The following NTM variants were observed in gnomAD, a reference collection of about 807,000 sequenced individuals.
NTM encodes the protein neurotrimin, also known as IgLON family member 2.
A neutral mutation model predicts 42.1 loss-of-function variants in NTM; 13 were observed. That is an observed-to-expected ratio of 0.31 (90% CI 0.20 to 0.49). NTM has a LOEUF of 0.49. Ranked by LOEUF, NTM falls within the 20% of genes least tolerant of loss-of-function variation. The pLI is 0.99. For synonymous variants in NTM, 187 were observed against 179.2 expected (o/e 1.04, Z -0.35); for missense variants, 373 against 452.8 (o/e 0.82, Z 1.60).
chr11:131,508,891 T>TGGGGGAG (rs1399640841), intron 1 of NTM, among the ~76,000 whole-genome samples: 1 of 57,066 alleles, frequency 1.8e-5, no homozygotes, highest in Non-Finnish European at 3.6e-5. Context: ...GTTGTGGGGT[T>TGGGGGAG]GGGGGAGGGG....
chr11:131,770,870 A>G (rs1275123546), intron 1 of NTM: 3 of 152,142 alleles, frequency 2.0e-5, no homozygotes, highest in Non-Finnish European at 4.4e-5. Context: ...CAGACACCCT[A>G]TGCGTCTGTC....
intron 1 of NTM, among the ~76,000 whole-genome samples, chr11:131,589,622 T>C (rs2059191340): frequency 6.6e-6 from 1 of 152,218 alleles, no homozygotes; most frequent in African/African-American, 2.4e-5. Context: ...ATGCCTTTCA[T>C]GTCCTAGGTT....
At chr11:131,703,063 G>A (rs1592627605) in intron 1 of NTM, among the ~76,000 whole-genome samples, 2 of 152,150 alleles carry the variant, frequency 1.3e-5, no homozygotes, top group South Asian at 2.1e-4. Flanking sequence ...CCCAACTCTT[G>A]GATTATAGAG....
chr11:132,101,265 A>G (rs181128522), intron 2 of NTM, among the ~76,000 whole-genome samples: 1 of 152,266 alleles, frequency 6.6e-6, no homozygotes, highest in East Asian at 1.9e-4. Flanking sequence ...TAGGCAAAAG[A>G]AAACTCAGGA....
chr11:132,015,633 ATATTTTATTT>A (rs151321359), intron 2 of NTM, among the ~76,000 whole-genome samples: 28 of 143,166 alleles, frequency 2.0e-4, no homozygotes, highest in African/African-American at 5.6e-4. Context: ...TTATTCTTAG[ATATTTTATTT>A]TATTTTATTT....
chr11:132,081,902 T>C (rs1594460819), intron 2 of NTM, among the ~76,000 whole-genome samples: 1 of 147,850 alleles, frequency 6.8e-6, no homozygotes, highest in Admixed American at 6.8e-5. Context: ...AATATATATA[T>C]ACATATATTC....
At chr11:131,378,887 T>G (rs1214946426) in intron 1 of NTM, among the ~76,000 whole-genome samples, 1 of 152,214 alleles carries the variant, frequency 6.6e-6, no homozygotes, top group African/African-American at 2.4e-5. Context: ...TAAAGACTCA[T>G]GCTCAGAACC....
intron 2 of NTM, among the ~76,000 whole-genome samples, chr11:131,937,863 G>A (rs1389405482): frequency 1.3e-5 from 2 of 152,080 alleles, no homozygotes; most frequent in East Asian, 3.9e-4. Context: ...TCAAAGGGCG[G>A]GTAAAAAATG....
chr11:131,917,915 A>G (rs923891657), intron 2 of NTM, among the ~76,000 whole-genome samples: 2 of 152,238 alleles, frequency 1.3e-5, no homozygotes, highest in Non-Finnish European at 2.9e-5. Flanking sequence ...TCAACCAAAC[A>G]TAGGGCAGAA....
intron 4 of NTM, among the ~76,000 whole-genome samples, chr11:132,232,880 C>A (rs566808712): frequency 6.6e-6 from 1 of 152,268 alleles, no homozygotes; most frequent in South Asian, 2.1e-4. Flanking sequence ...AAAACGTAAG[C>A]GGCGTTTATG....
At chr11:131,562,804 A>G (rs902458079) in intron 1 of NTM, among the ~76,000 whole-genome samples, 5 of 152,300 alleles carry the variant, frequency 3.3e-5, no homozygotes, top group East Asian at 3.9e-4. Context: ...GTTTGTTCCC[A>G]AATTTTAGCA....
intron 1 of NTM, among the ~76,000 whole-genome samples, chr11:131,801,173 C>A (rs2092075369): frequency 6.6e-6 from 1 of 152,160 alleles, no homozygotes; most frequent in South Asian, 2.1e-4. Context: ...ACTACTTTTA[C>A]CAAGTCAAGG....
At chr11:131,520,899 T>G (rs907181455) in intron 1 of NTM, among the ~76,000 whole-genome samples, 3 of 152,178 alleles carry the variant, frequency 2.0e-5, no homozygotes, top group South Asian at 2.1e-4. Context: ...CATGATTTTG[T>G]GGGCTGTACA....
chr11:131,698,235 T>C (rs902529563), intron 1 of NTM, among the ~76,000 whole-genome samples: 1 of 152,204 alleles, frequency 6.6e-6, no homozygotes, highest in Non-Finnish European at 1.5e-5. Context: ...CTTAGGTTCC[T>C]GCTATACCCT....
In NTM at chr11:132,146,602, A is replaced by C; in HGVS notation, c.400+88A>C. The C allele has an allele frequency of 7.2e-7, 1 of 1,392,774 alleles. No individual in the cohort carries two copies. 86.3% of individuals were successfully genotyped at this position (1,392,774 alleles called of 1,614,324 possible). On this transcript the variant is annotated intron_variant, in intron 3 of 8. Coordinates refer to ENST00000683400, the MANE Select transcript of NTM (RefSeq NM_001352005.2). The surrounding 1 kb of genome is among the most constrained non-coding windows in gnomAD (Gnocchi z 4.5). ...GTTTGTTCTCTGATCCTCAACAGAG[A>C]TGAGTTATCCTTATTCTACGCATCT...
intron 1 of NTM, among the ~76,000 whole-genome samples, chr11:131,409,714 C>T (rs1591589205): frequency 6.6e-6 from 1 of 152,138 alleles, no homozygotes; most frequent in Non-Finnish European, 1.5e-5. Context: ...GGAGCAGGCA[C>T]AAGGCACTGA....
chr11:132,032,096 T>A (rs1404841527), intron 2 of NTM, among the ~76,000 whole-genome samples: 1 of 152,200 alleles, frequency 6.6e-6, no homozygotes, highest in South Asian at 2.1e-4. Context: ...ACATCCCAAG[T>A]GGACTCTATG....
chr11:132,311,650 C>CA (rs1054130443), intron 6 of NTM, among the ~76,000 whole-genome samples: 4 of 152,126 alleles, frequency 2.6e-5, no homozygotes, highest in African/African-American at 9.7e-5. Flanking sequence ...CCAAACCAAA[C>CA]AAAAAACCTA....
chr11:131,688,461 T>G (rs2074223496), intron 1 of NTM, among the ~76,000 whole-genome samples: 1 of 152,256 alleles, frequency 6.6e-6, no homozygotes, highest in African/African-American at 2.4e-5. Flanking sequence ...TCATTTCTCT[T>G]TTGGAGAAGT....
Sources: gnomAD v4.1 joint callset for allele counts (sites outside exome capture counted in the v4.1 genomes callset) on GRCh38, gnomAD v4.1.1 for gene constraint, Gnocchi (gnomAD v3.1) non-coding constraint, MANE v1.5 for transcripts, NCBI Gene and HGNC (gene_info 2026-07-23, HGNC 2026-07-21) for gene names.